Variants in USHBP1 observed in about 807,000 individuals in gnomAD.
USHBP1 encodes the protein harmonin-binding protein USHBP1.
A neutral mutation model predicts 76.2 loss-of-function variants in USHBP1; 67 were observed. The observed-to-expected ratio is 0.88, with a 90% confidence interval of 0.72 to 1.08. The LOEUF (loss-of-function observed/expected upper bound fraction) is 1.08. USHBP1 is among the 50% of genes least tolerant of loss of function. USHBP1 has a pLI of 0.00. For synonymous variants in USHBP1, 322 were observed against 362.2 expected, an observed-to-expected ratio of 0.89 and a Z score of 1.26; for missense variants, 931 against 915.0, an observed-to-expected ratio of 1.02 and a Z score of -0.23.
chr19:17,253,204 G>A (rs978942205), intron 10 of USHBP1, among the ~76,000 whole-genome samples: 2 of 151,616 alleles, frequency 1.3e-5, no homozygotes, highest in African/African-American at 2.4e-5. Flanking sequence ...TCCTGACCTC[G>A]TGATCCGCCC....
chr19:17,252,444 G>A (rs1424511243), intron 10 of USHBP1, among the ~76,000 whole-genome samples: 1 of 151,850 alleles, frequency 6.6e-6, no homozygotes, highest in Non-Finnish European at 1.5e-5. Flanking sequence ...TAAAATTTAG[G>A]GGCCAGGTGT....
intron 1 of USHBP1, 112 bp downstream of exon 1, chr19:17,264,559 A>G: frequency 1.9e-6 from 1 of 520,632 alleles, no homozygotes; most frequent in Non-Finnish European, 3.4e-6. Context: ...TGCCTTCTTT[A>G]CCTTCACTAC....
Position 17,256,707 on chromosome 19 carries a change from T to G in USHBP1, c.1234A>C (p.Ser412Arg), listed in dbSNP as rs56097600. 3.7e-6 allele frequency: 6 copies of G among 1,614,190 alleles called. No individual in the cohort carries two copies. Among genetic ancestry groups the G allele is most frequent in the Non-Finnish European group, 4.2e-6 (5 of 1,180,038 alleles). ...TCCTGTGGGGTGGGCTTATCCACAC[T>G]GCTGCCTTCAGGGCTATAGAAAACA... ...QNPQPSPEGS[S>R]VDKPTPQEVA... The change falls in exon 9 of 13, where the codon AGT becomes CGT. Residue 412 changes from serine (S) to arginine (R), a missense_variant. Ser to Arg is a moderately radical substitution (Grantham distance 110, BLOSUM62 -1). Coordinates refer to ENST00000252597, the MANE Select transcript of USHBP1 (RefSeq NM_031941.4).
chr19:17,262,879 G>A lies in USHBP1; in HGVS notation c.315C>T (p.Tyr105=), dbSNP rs2073708362. 1 of 1,605,346 alleles carries A rather than the reference G, an allele frequency of 6.2e-7. No homozygotes were observed. The highest frequency in any genetic ancestry group is 1.1e-5 in the South Asian group (1 of 90,702). ...CATTCCCAGGGGGCACAGTCTCCTT[G>A]TACTGTAGGGCTGCTTCTGGGGCTT... ...AHQAPEAALQ[Y]KETVPPGNGA... The change falls in exon 4 of 13, where the codon TAC becomes TAT. Residue 105 remains tyrosine (Y), a synonymous_variant. Transcript: ENST00000252597.
In USHBP1 at chr19:17,264,271, C is replaced by T; in HGVS notation, c.29G>A (p.Ser10Asn). The T allele has an allele frequency of 1.2e-6, 2 of 1,613,662 alleles. No homozygotes were observed. The highest frequency in any genetic ancestry group is 1.7e-6 in the Non-Finnish European group (2 of 1,179,894). Residue 10 changes from serine (S) to asparagine (N), a missense_variant, in exon 2 of 13, where the codon AGC (serine) becomes AAC (asparagine). Ser to Asn is a conservative substitution (Grantham distance 46, BLOSUM62 1). Transcript: ENST00000252597. MSARATRPR[S>N]RRGRHAPPGE... is the part of the protein sequence containing the mutation. ...GGGTGGAGCATGCCTCCCTCGCCGG[C>T]TTCGGGGCCGCGTGGCCCGGGCACT...
Position 17,255,457 on chromosome 19 carries a change from AGCCTGGAGCTCT to A in USHBP1, c.1608_1619del (p.Glu537_Ala540del). ...GTCCGCCACTGCTGTTTGCCCCACC[AGCCTGGAGCTCT>A]GCCCGTTCCCACCGCAGCTGCTCCA... On this transcript the variant is annotated inframe_deletion, in exon 10 of 13. Transcript: ENST00000252597. The A allele has an allele frequency of 2.5e-6, 4 of 1,614,058 alleles. 1 individual carries two copies. The Admixed American group carries it at 6.7e-5, about 27-fold the overall frequency.
In USHBP1 at chr19:17,249,866, A is replaced by C; in HGVS notation, c.*359T>G. Reference sequence around the variant, plus strand: ...GGAGAAGCTCTGTCCAGTCCCCATGAATCCCTCCCTGGGCTTCGGGAGACA... The same window carrying C: ...GGAGAAGCTCTGTCCAGTCCCCATGCATCCCTCCCTGGGCTTCGGGAGACA... On this transcript the variant is annotated 3_prime_UTR_variant, in exon 13 of 13. Transcript: ENST00000252597. The C allele has an allele frequency of 3.6e-6, 1 of 275,730 alleles. No individual in the cohort carries two copies. The highest frequency in any genetic ancestry group is 6.9e-6 in the Non-Finnish European group (1 of 144,106). The allele number at this position is 275,730 out of a possible 1,614,324, so 17.1% of individuals were successfully genotyped here. A position where few individuals can be genotyped will look rare whatever the true frequency, so the allele number is the denominator to read the frequency against.
At chr19:17,250,753 C>T (rs1370637679) in intron 12 of USHBP1, among the ~76,000 whole-genome samples, 7 of 151,528 alleles carry the variant, frequency 4.6e-5, no homozygotes, top group Non-Finnish European at 7.4e-5. Flanking sequence ...AGGGTTTGAC[C>T]ATGTTGCCCA....
intron 8 of USHBP1, 46 bp downstream of exon 8, chr19:17,258,166 A>G: frequency 6.2e-7 from 1 of 1,609,194 alleles, no homozygotes; most frequent in Non-Finnish European, 8.5e-7. Context: ...CCCAGTCAAG[A>G]CCCCACTCCT....
At chr19:17,250,554 T>C (rs2073538083) in intron 12 of USHBP1, 140 bp from the exon 13 acceptor site, 1 of 994,408 alleles carries the variant, frequency 1.0e-6, no homozygotes, top group East Asian at 2.7e-5. Context: ...TTGTTGTTGT[T>C]GTTGTTGTTG....
chr19:17,259,193 G>A (rs1266430516), intron 7 of USHBP1, 96 bp downstream of exon 7: 2 of 1,481,272 alleles, frequency 1.4e-6, no homozygotes, highest in Non-Finnish European at 1.8e-6. Flanking sequence ...CTGAAGTGGG[G>A]AAGGTGCTCT....
Position 17,259,594 on chromosome 19 carries a change from A to AC in USHBP1, c.905+1dup, listed in dbSNP as rs746435447. On this transcript the variant is annotated splice_donor_variant, in intron 6 of 12. Coordinates refer to ENST00000252597, the MANE Select transcript of USHBP1 (RefSeq NM_031941.4). LOFTEE classifies it high-confidence loss of function. ...TATGAGCTCAGCATTTGAGTCTCTT[A>AC]CCCCCGGAGTTGCTCCATCTGGGCT... 2 of 1,606,908 alleles carry AC rather than the reference A, an allele frequency of 1.2e-6. No homozygotes were observed. Among genetic ancestry groups the AC allele is most frequent in the East Asian group, 4.5e-5 (2 of 44,798 alleles).
chr19:17,253,394 A>G (rs1372277612), intron 10 of USHBP1, among the ~76,000 whole-genome samples: 1 of 150,102 alleles, frequency 6.7e-6, no homozygotes, highest in Non-Finnish European at 1.5e-5. Context: ...GGTTTAAGCA[A>G]TTCTCTGTCT....
chr19:17,262,850 G>T lies in USHBP1; in HGVS notation c.344C>A (p.Ala115Asp), dbSNP rs746084678. 1 of 1,613,322 alleles carries T rather than the reference G, an allele frequency of 6.2e-7. No homozygotes were observed. Among genetic ancestry groups the T allele is most frequent in the South Asian group, 1.1e-5 (1 of 91,056 alleles). ...CTGGAGGGTCTGAAACACATCGGGGGCCCCATTCCCAGGGGGCACAGTCTC... is the reference window on the plus strand; with the variant it reads ...CTGGAGGGTCTGAAACACATCGGGGTCCCCATTCCCAGGGGGCACAGTCTC... ...YKETVPPGNG[A>D]PDVFQTLQHT... Residue 115 changes from alanine to aspartate, a missense_variant, in exon 4 of 13, where the codon GCC becomes GAC. Ala to Asp is a moderately radical substitution (Grantham distance 126). Transcript: ENST00000252597.
chr19:17,256,424 T>C (rs761428078), intron 9 of USHBP1, 47 bp downstream of exon 9: 1 of 1,605,606 alleles, frequency 6.2e-7, no homozygotes, highest in Admixed American at 1.7e-5. Flanking sequence ...GTAAAGGATT[T>C]TGTCCCACCA....
chr19:17,259,669 G>A lies in USHBP1; in HGVS notation c.832C>T (p.Leu278Phe). The A allele has an allele frequency of 1.2e-6, 2 of 1,614,118 alleles. No individual in the cohort carries two copies. The highest frequency in any genetic ancestry group is 8.5e-7 in the Non-Finnish European group (1 of 1,180,010). ...RLRSHSSTQI[L>F]GSLPNQPLSP... Reference sequence around the variant, plus strand: ...AGGGGCTGGTTGGGAAGAGACCCAAGGATCTGGGTGCTGGAATGGCTGCGG... The same window carrying A: ...AGGGGCTGGTTGGGAAGAGACCCAAAGATCTGGGTGCTGGAATGGCTGCGG... Residue 278 changes from leucine (L) to phenylalanine (F), a missense_variant, in exon 6 of 13, where the codon CTT (leucine) becomes TTT (phenylalanine). Leu to Phe is a conservative substitution (Grantham distance 22, BLOSUM62 0). Transcript: ENST00000252597.
Position 17,259,333 on chromosome 19 carries a change from C to T in USHBP1, c.1002G>A (p.Gln334=), listed in dbSNP as rs1311512979. ...RCEGLSMQLG[Q]REAEATALHL... is the part of the protein sequence containing the mutation. ...GCAATGCTGTGGCCTCAGCCTCCCG[C>T]TGGCCTAGCTGCATGCTGAGGCCTT... The change falls in exon 7 of 13, where the codon CAG becomes CAA. Residue 334 remains glutamine, a synonymous_variant. Transcript: ENST00000252597. 1 of 1,614,136 alleles carries T rather than the reference C, an allele frequency of 6.2e-7. No homozygotes were observed. Among genetic ancestry groups the T allele is most frequent in the Admixed American group, 1.7e-5 (1 of 59,990 alleles).
chr19:17,257,685 C>T (rs2073637184), intron 8 of USHBP1, among the ~76,000 whole-genome samples: 3 of 149,960 alleles, frequency 2.0e-5, no homozygotes. Flanking sequence ...CTCACTCTGT[C>T]ACCCAGGCTG....
At position 17,264,012 on chromosome 19, in the gene USHBP1, G is replaced by C; in HGVS notation, c.193C>G (p.Leu65Val). 6.3e-7 allele frequency: 1 copy of C among 1,594,162 alleles called. No homozygotes were observed. The highest frequency in any genetic ancestry group is 8.5e-7 in the Non-Finnish European group (1 of 1,169,950). ...CCAAGCGGGTCTTACCTGCTTCCTA[G>C]GCCTTGGCCACTGACCTCCTCCATG... ...GPMEEVSGQG[L>V]GSRTDKKMDG... The change falls in exon 3 of 13, where the codon CTA becomes GTA. Residue 65 changes from leucine (L) to valine (V), a missense_variant. Physicochemically the swap from Leu to Val is conservative, Grantham distance 32. Transcript: ENST00000252597.
Sources: gnomAD v4.1 joint callset for allele counts (sites outside exome capture counted in the v4.1 genomes callset) on GRCh38, gnomAD v4.1.1 for gene constraint, MANE v1.5 for transcripts, NCBI Gene and HGNC (gene_info 2026-07-23, HGNC 2026-07-21) for gene names.